The following NELL2 variants were observed in gnomAD, a reference collection of about 807,000 sequenced individuals.
NELL2 encodes the protein neural EGFL like 2, also known as protein kinase C-binding protein NELL2.
NELL2 carries 41 observed loss-of-function variants against 109.6 expected under a neutral mutation model. The observed-to-expected ratio is 0.37, with a 90% CI of 0.29 to 0.49. The LOEUF (loss-of-function observed/expected upper bound fraction) is 0.49, where lower values mean the gene tolerates loss of function less well. Ranked by LOEUF, NELL2 falls within the 20% of genes least tolerant of loss-of-function variation. The pLI, the probability that NELL2 is intolerant of heterozygous loss-of-function variation, is 0.98. For missense variants in NELL2, 900 were observed against 1,008.3 expected, an observed-to-expected ratio of 0.89 and a Z score of 1.45; for synonymous variants, 355 against 344.7, an observed-to-expected ratio of 1.03 and a Z score of -0.33.
intron 1 of NELL2, among the ~76,000 whole-genome samples, chr12:44,891,157 G>A (rs1945529619): frequency 6.6e-6 from 1 of 152,180 alleles, no homozygotes; most frequent in South Asian, 2.1e-4. Context: ...GCCCCCTTCT[G>A]AGGTGTTCTT....
chr12:44,767,371 G>A (rs895562150), intron 9 of NELL2, among the ~76,000 whole-genome samples: 4 of 152,104 alleles, frequency 2.6e-5, no homozygotes, highest in African/African-American at 7.2e-5. Context: ...CCGGAGAGAC[G>A]TGCTGTTTTC....
At position 44,876,170 on chromosome 12, in the gene NELL2, G is replaced by A; in HGVS notation, c.-301C>T. 7.9e-7 allele frequency: 1 copy of A among 1,258,882 alleles called. No homozygotes were observed. The highest frequency in any genetic ancestry group is 1.0e-6 in the Non-Finnish European group (1 of 998,364). 78.0% of individuals were successfully genotyped at this position (1,258,882 alleles called of 1,614,324 possible). ...ACTCGCCCCGGCGCGGCTCCGTCGG[G>A]GAATTAGCTCCCGAGCCGAATAAAA... On this transcript the variant is annotated 5_prime_UTR_variant, in exon 1 of 20. Coordinates refer to ENST00000429094, the MANE Select transcript of NELL2 (RefSeq NM_001145108.2).
intron 15 of NELL2, among the ~76,000 whole-genome samples, chr12:44,541,820 G>A (rs1054640143): frequency 9.2e-5 from 14 of 152,154 alleles, no homozygotes; most frequent in African/African-American, 3.4e-4. Context: ...AATGCTGACT[G>A]CAGTACTATG....
chr12:44,615,100 C>A (rs1038471333), intron 13 of NELL2, among the ~76,000 whole-genome samples: 1 of 152,120 alleles, frequency 6.6e-6, no homozygotes, highest in South Asian at 2.1e-4. Context: ...TAAATGGATT[C>A]ATTATGAGAA....
intron 9 of NELL2, among the ~76,000 whole-genome samples, chr12:44,722,175 A>G (rs1163422380): frequency 1.3e-5 from 2 of 151,658 alleles, no homozygotes; most frequent in Non-Finnish European, 3.0e-5. Flanking sequence ...TGGTGAAAAT[A>G]AGAAACTTTT....
chr12:44,595,657 G>A (rs1944932590), intron 15 of NELL2, among the ~76,000 whole-genome samples: 1 of 148,408 alleles, frequency 6.7e-6, no homozygotes, highest in Non-Finnish European at 1.5e-5. Flanking sequence ...TAGCCAGGAT[G>A]GTCTCGATCT....
chr12:44,540,125 T>C (rs546722774), intron 15 of NELL2, among the ~76,000 whole-genome samples: 2 of 152,336 alleles, frequency 1.3e-5, no homozygotes, highest in Admixed American at 1.3e-4. Context: ...TTTAATTATA[T>C]GTATTTTTAA....
chr12:44,756,297 TTCTC>T (rs143062840), intron 9 of NELL2, among the ~76,000 whole-genome samples: 2,871 of 152,092 alleles, frequency 0.019, 71 homozygotes, highest in African/African-American at 0.055. Flanking sequence ...TGTTCAACCT[TTCTC>T]TCTCTCCTTA....
intron 15 of NELL2, among the ~76,000 whole-genome samples, chr12:44,560,788 C>T (rs1339568580): frequency 6.6e-6 from 1 of 152,042 alleles, no homozygotes; most frequent in Non-Finnish European, 1.5e-5. Context: ...CTGAAACTAA[C>T]CAAACAATAG....
At chr12:44,579,202 A>T (rs571671357) in intron 15 of NELL2, among the ~76,000 whole-genome samples, 34 of 152,352 alleles carry the variant, frequency 2.2e-4, no homozygotes, top group African/African-American at 7.5e-4. Context: ...GCATCACTTT[A>T]GATTCAAACA....
chr12:44,906,776 G>C (rs1004357393), intron 1 of NELL2, among the ~76,000 whole-genome samples: 37 of 152,046 alleles, frequency 2.4e-4, no homozygotes, highest in African/African-American at 8.9e-4. Flanking sequence ...CTAAAAATAT[G>C]TCCAAATAGA....
At chr12:44,879,501 T>C (rs1945386886), upstream of NELL2, among the ~76,000 whole-genome samples, 1 of 151,646 alleles carries the variant, frequency 6.6e-6, no homozygotes, top group Non-Finnish European at 1.5e-5. Context: ...AGATGAGCTT[T>C]AAATTAAGAA....
At chr12:44,857,863 T>C (rs1393435358) in intron 2 of NELL2, among the ~76,000 whole-genome samples, 1 of 152,074 alleles carries the variant, frequency 6.6e-6, no homozygotes, top group East Asian at 1.9e-4. Context: ...TTACTCCCCA[T>C]TAAGAACTAA....
chr12:44,577,465 GTTTTTTTT>G (rs746239984), intron 15 of NELL2, among the ~76,000 whole-genome samples: 2 of 83,438 alleles, frequency 2.4e-5, no homozygotes, highest in East Asian at 3.3e-4. Flanking sequence ...CAGATGAGTA[GTTTTTTTT>G]TTTTTTTTTT....
Position 44,520,006 on chromosome 12 carries a change from T to C in NELL2, c.2399A>G (p.Lys800Arg), listed in dbSNP as rs2138979115. 1 of 1,613,558 alleles carries C rather than the reference T, an allele frequency of 6.2e-7. No individual in the cohort carries two copies. The highest frequency in any genetic ancestry group is 8.5e-7 in the Non-Finnish European group (1 of 1,179,460). The change falls in exon 19 of 20, where the codon AAG becomes AGG. Residue 800 changes from lysine to arginine, a missense_variant and splice_region_variant. Physicochemically the swap from Lys to Arg is conservative, Grantham distance 26. Around this residue, in one of 4 missense-constraint regions of NELL2, gnomAD observed 333 missense variants for 432.3 expected, o/e 0.77. Coordinates refer to ENST00000429094, the MANE Select transcript of NELL2 (RefSeq NM_001145108.2). ...HGTECTLCQC[K>R]NGHICCSVDP... ...CTATTTAAATTTAATGGAGTTTACC[T>C]TGCACTGGCAGAGAGTACACTCAGT...
chr12:44,527,978 C>A (rs1941865415), intron 16 of NELL2, among the ~76,000 whole-genome samples: 1 of 151,430 alleles, frequency 6.6e-6, no homozygotes, highest in South Asian at 2.1e-4. Context: ...CCTGTAGTCC[C>A]AGCTACTCGG....
intron 19 of NELL2, among the ~76,000 whole-genome samples, chr12:44,509,875 G>A (rs765349537): frequency 2.0e-5 from 3 of 152,206 alleles, no homozygotes; most frequent in East Asian, 1.9e-4. Flanking sequence ...TATTTAAACC[G>A]AGACCTGGAG....
At chr12:44,755,335 G>A (rs1048374924) in intron 9 of NELL2, among the ~76,000 whole-genome samples, 3 of 151,926 alleles carry the variant, frequency 2.0e-5, no homozygotes, top group Non-Finnish European at 2.9e-5. Flanking sequence ...GCTCTTTCAG[G>A]TTCCCGTCAT....
At chr12:44,651,626 A>G (rs1273066335) in intron 13 of NELL2, among the ~76,000 whole-genome samples, 1 of 152,186 alleles carries the variant, frequency 6.6e-6, no homozygotes, top group Non-Finnish European at 1.5e-5. Flanking sequence ...TTGTGAATCT[A>G]TTAGGAATAT....
Sources: gnomAD v4.1 joint callset for allele counts (sites outside exome capture counted in the v4.1 genomes callset) on GRCh38, gnomAD v4.1.1 for gene constraint, gnomAD v4.1.1 regional missense constraint, MANE v1.5 for transcripts, NCBI Gene and HGNC (gene_info 2026-07-23, HGNC 2026-07-21) for gene names.